MLEC: variants seen among roughly 807,000 people sequenced by gnomAD.
MLEC encodes malectin.
Under a neutral mutation model 28.7 loss-of-function variants are expected in MLEC, and 7 were observed. The ratio of observed to expected loss-of-function variants is 0.24; its 90% CI spans 0.14 to 0.46. The LOEUF (loss-of-function observed/expected upper bound fraction) is 0.46. Among genes scored for constraint, MLEC ranks in the 20% least tolerant of loss-of-function variants. The pLI, the probability that MLEC is intolerant of heterozygous loss-of-function variation, is 0.99. For synonymous variants in MLEC, 142 were observed against 164.4 expected (o/e 0.86, Z 1.04); for missense variants, 237 against 391.1 (o/e 0.61, Z 3.32).
intron 4 of MLEC, among the ~76,000 whole-genome samples, chr12:120,695,947 A>C (rs776009685): frequency 8.5e-5 from 13 of 152,190 alleles, no homozygotes; most frequent in Middle Eastern, 3.2e-3. Flanking sequence ...ACGTTTCTTC[A>C]GTTGTTGTGT....
chr12:120,692,785 G>A (rs577313786), intron 1 of MLEC, among the ~76,000 whole-genome samples: 3 of 150,940 alleles, frequency 2.0e-5, no homozygotes, highest in African/African-American at 7.3e-5. Context: ...ACTACATGAC[G>A]GCTACATCTG....
Position 120,696,460 on chromosome 12 carries a change from C to T in MLEC, c.794C>T (p.Ala265Val), listed in dbSNP as rs1425013742. Reference protein sequence around the residue: ...QSGPRTPNPYASDNSSLMFPI... With the variant: ...QSGPRTPNPYVSDNSSLMFPI... The stretch of plus-strand genomic sequence containing the variant: ...GGCCCCCGCACACCCAACCCCTATG[C>T]CTCGGACAACAGCAGCCTCATGTTT... Residue 265 changes from alanine (A) to valine (V), a missense_variant, in exon 5 of 5, where the codon GCC becomes GTC. Physicochemically the swap from Ala to Val is moderately conservative, Grantham distance 64 (BLOSUM62 0). Coordinates refer to ENST00000228506, the MANE Select transcript of MLEC (RefSeq NM_014730.4). The surrounding 1 kb of genome is among the most constrained non-coding windows in gnomAD (Gnocchi z 5.4). 1 of 1,614,188 alleles carries T rather than the reference C, an allele frequency of 6.2e-7. No individual in the cohort carries two copies. The highest frequency in any genetic ancestry group is 8.5e-7 in the Non-Finnish European group (1 of 1,180,046).
rs531523134 is a variant in MLEC, at chr12:120,694,806, C to T, written c.415-18C>T. The stretch of plus-strand genomic sequence containing the variant: ...AAGCTGATGGTTTTGACATTGTTTT[C>T]TTTTCTTATCCTGGAAGGTATTTGA... On this transcript the variant is annotated intron_variant, in intron 2 of 4. Transcript: ENST00000228506. This position sits in a 1 kb window ranked among gnomAD's most constrained non-coding sequence, Gnocchi z 4.5. 12 of 1,593,888 alleles carry T rather than the reference C, an allele frequency of 7.5e-6. No homozygotes were observed. In the African/African-American group the frequency reaches 1.3e-4, roughly 18 times the overall value.
intron 4 of MLEC, among the ~76,000 whole-genome samples, chr12:120,695,655 AG>A (rs1882204583): frequency 6.6e-6 from 1 of 152,190 alleles, no homozygotes; most frequent in South Asian, 2.1e-4. Flanking sequence ...TTTCTTTCTC[AG>A]GGTTTAGATT....
At chr12:120,693,914 G>A (rs1882127271) in intron 1 of MLEC, 177 bp from the exon 2 acceptor site, 1 of 563,690 alleles carries the variant, frequency 1.8e-6, no homozygotes, top group East Asian at 2.9e-5. Flanking sequence ...CATAGTAATG[G>A]CTGTATGATT....
In MLEC at chr12:120,694,862, G is replaced by A. The variant is rs1190159235; in HGVS notation, c.453G>A (p.Lys151=). ...DVRLNGHVVV[K]DLDIFDRVGH... is the part of the protein sequence containing the mutation. ...GATTGAATGGCCACGTCGTGGTGAAGGACTTGGATATCTTTGATCGTGTTG... is the reference window on the plus strand; with the variant it reads ...GATTGAATGGCCACGTCGTGGTGAAAGACTTGGATATCTTTGATCGTGTTG... Residue 151 remains lysine, a synonymous_variant, in exon 3 of 5, where the codon AAG becomes AAA. Transcript: ENST00000228506. This position sits in a 1 kb window ranked among gnomAD's most constrained non-coding sequence, Gnocchi z 4.5. 4.3e-6 allele frequency: 7 copies of A among 1,613,782 alleles called. No homozygotes were observed. In the African/African-American group the frequency reaches 9.3e-5, roughly 22 times the overall value.
intron 1 of MLEC, among the ~76,000 whole-genome samples, chr12:120,691,756 GGTT>G (rs1308802099): frequency 3.9e-5 from 6 of 152,180 alleles, no homozygotes; most frequent in Non-Finnish European, 8.8e-5. Context: ...GTAATTCCAA[GGTT>G]GTTAAGTAAT....
chr12:120,690,368 G>C (rs1194405186), intron 1 of MLEC, among the ~76,000 whole-genome samples: 1 of 152,112 alleles, frequency 6.6e-6, no homozygotes. Context: ...ACTAGGAAAA[G>C]ACCTGGTTAT....
chr12:120,695,037 G>A, intron 3 of MLEC, 37 bp downstream of exon 3: 5 of 1,614,002 alleles, frequency 3.1e-6, no homozygotes, highest in Non-Finnish European at 4.2e-6. Flanking sequence ...GAAGAGAGTG[G>A]GTACAGGGGA....
chr12:120,694,360 T>TAG lies in MLEC; in HGVS notation c.414+91_414+92insAG. On this transcript the variant is annotated intron_variant, in intron 2 of 4. Transcript: ENST00000228506. This position sits in a 1 kb window ranked among gnomAD's most constrained non-coding sequence, Gnocchi z 4.5. ...TGGGGCTAGAGAGTGTGAGAGTCTCTCCAGAAAGGCAGAACAGATGAGCTC... is the reference window on the plus strand; with the variant it reads ...TGGGGCTAGAGAGTGTGAGAGTCTCTAGCCAGAAAGGCAGAACAGATGAGCTC... The TAG allele has an allele frequency of 3.0e-6, 4 of 1,354,896 alleles. No individual in the cohort carries two copies. Among genetic ancestry groups the TAG allele is most frequent in the Non-Finnish European group, 4.1e-6 (4 of 981,248 alleles). The allele number at this position is 1,354,896 out of a possible 1,614,324, so 83.9% of individuals were successfully genotyped here.
rs142377252 is a variant in MLEC at position 120,691,861 on chromosome 12, G to GA, written c.236-2219dup. On this transcript the variant is annotated intron_variant, in intron 1 of 4. Transcript: ENST00000228506. ...GTTCCTCACTTTTTCCACTTGGCAA[G>GA]AAAAAAAAAAAGATTCGGCCTGGTG... Among the ~76,000 whole-genome samples, 40 of 145,978 alleles carry GA rather than the reference G, an allele frequency of 2.7e-4. 1 individual carries two copies. The highest frequency in any genetic ancestry group is 3.6e-3 in the Middle Eastern group (1 of 280).
At chr12:120,691,080 T>C (rs2137414846) in intron 1 of MLEC, among the ~76,000 whole-genome samples, 1 of 152,344 alleles carries the variant, frequency 6.6e-6, no homozygotes, top group East Asian at 1.9e-4. Flanking sequence ...AGGGGGGCTT[T>C]ACAGCTGTGT....
chr12:120,695,235 A>G (rs966952151), intron 4 of MLEC, 83 bp downstream of exon 4: 1 of 1,435,554 alleles, frequency 7.0e-7, no homozygotes, highest in Non-Finnish European at 9.8e-7. Context: ...TGAGCTGATG[A>G]CTATTTTGGA....
chr12:120,687,339 C>T lies in MLEC; in HGVS notation c.43C>T (p.Leu15=). The part of the protein sequence containing the change: ...WAVEGTAVAL[L]RLLLLLLPPA... Reference sequence around the variant, plus strand: ...GGTTGAGGGAACCGCTGTGGCGCTCCTGCGACTGCTGCTGCTGCTGCTGCC... The same window carrying T: ...GGTTGAGGGAACCGCTGTGGCGCTCTTGCGACTGCTGCTGCTGCTGCTGCC... Residue 15 remains leucine, a synonymous_variant, in exon 1 of 5, where the codon CTG becomes TTG. Coordinates refer to ENST00000228506, the MANE Select transcript of MLEC (RefSeq NM_014730.4). The surrounding 1 kb of genome is among the most constrained non-coding windows in gnomAD (Gnocchi z 8.1). 1 of 1,394,324 alleles carries T rather than the reference C, an allele frequency of 7.2e-7. No individual in the cohort carries two copies. Among genetic ancestry groups the T allele is most frequent in the South Asian group, 1.7e-5 (1 of 58,366 alleles). The allele number at this position is 1,394,324 out of a possible 1,614,324, so 86.4% of individuals were successfully genotyped here.
intron 1 of MLEC, 105 bp from the exon 2 acceptor site, chr12:120,693,986 A>T: frequency 4.7e-6 from 5 of 1,052,642 alleles, no homozygotes; most frequent in Non-Finnish European, 5.4e-6. Context: ...TTTTATGGAG[A>T]GGGTTATTAG....
rs1288385259 is a variant in MLEC at position 120,694,050 on chromosome 12, T to C, written c.236-41T>C. The C allele has an allele frequency of 4.4e-6, 7 of 1,578,058 alleles. No individual in the cohort carries two copies. In the South Asian group the frequency reaches 8.0e-5, roughly 18 times the overall value. ...CTGGGGTCTTTGCTTTTCTTTTGTG[T>C]CTTGCCTCTGATGTGCTTTCTCTTT... On this transcript the variant is annotated intron_variant, in intron 1 of 4. Transcript: ENST00000228506. The surrounding 1 kb of genome is among the most constrained non-coding windows in gnomAD (Gnocchi z 4.5).
At chr12:120,688,173 A>C (rs937651983) in intron 1 of MLEC, among the ~76,000 whole-genome samples, 1 of 152,188 alleles carries the variant, frequency 6.6e-6, no homozygotes, top group African/African-American at 2.4e-5. Context: ...TAAGAATCCG[A>C]ATGGTCTATC....
intron 1 of MLEC, among the ~76,000 whole-genome samples, chr12:120,692,592 G>A (rs1433356032): frequency 6.6e-6 from 1 of 150,948 alleles, no homozygotes; most frequent in Non-Finnish European, 1.5e-5. Flanking sequence ...TCAACCACTG[G>A]GTCTTTTTGT....
rs748015866 is a variant in MLEC at position 120,696,566 on chromosome 12, C to G, written c.*21C>G. On this transcript the variant is annotated 3_prime_UTR_variant, in exon 5 of 5. Coordinates refer to ENST00000228506, the MANE Select transcript of MLEC (RefSeq NM_014730.4). This position sits in a 1 kb window ranked among gnomAD's most constrained non-coding sequence, Gnocchi z 5.4. The stretch of plus-strand genomic sequence containing the variant: ...TGTGAGAACAAATGACTATCCTGAA[C>G]AGGGTGGAGGGGTGTGGGAAAGAAA... 6.2e-7 allele frequency: 1 copy of G among 1,613,900 alleles called. No individual in the cohort carries two copies. The highest frequency in any genetic ancestry group is 8.5e-7 in the Non-Finnish European group (1 of 1,179,876).
Sources: allele counts gnomAD v4.1 joint callset (sites outside exome capture counted in the v4.1 genomes callset), GRCh38; gene constraint gnomAD v4.1.1; non-coding constraint Gnocchi (gnomAD v3.1); transcripts MANE v1.5; gene names NCBI Gene and HGNC (gene_info 2026-07-23, HGNC 2026-07-21).